BICRAL: variants seen among roughly 807,000 people sequenced by gnomAD.
BICRAL encodes the protein BICRA like chromatin remodeling complex associated protein.
BICRAL carries 8 observed loss-of-function variants against 91.8 expected under a neutral mutation model. The observed-to-expected ratio is 0.09, with a 90% confidence interval of 0.05 to 0.16. BICRAL has a LOEUF of 0.16. BICRAL is among the 10% of genes least tolerant of loss of function. The probability of loss-of-function intolerance (pLI) is 1.00; values close to 1 mark genes in which losing one functional copy is unlikely to be tolerated. For missense variants in BICRAL, 1,038 were observed against 1,310.9 expected, an observed-to-expected ratio of 0.79 and a Z score of 3.21; for synonymous variants, 445 against 491.1, an observed-to-expected ratio of 0.91 and a Z score of 1.24.
At chr6:42,782,342 T>TGGGGG (rs1562457936) in intron 1 of BICRAL, among the ~76,000 whole-genome samples, 1 of 104,638 alleles carries the variant, frequency 9.6e-6, no homozygotes, top group African/African-American at 4.1e-5. Context: ...TTTTTTTTTT[T>TGGGGG]TGGGGGGGGG....
upstream of BICRAL, among the ~76,000 whole-genome samples, chr6:42,780,840 G>A (rs1762888957): frequency 6.6e-6 from 1 of 151,950 alleles, no homozygotes; most frequent in Non-Finnish European, 1.5e-5. Context: ...GGGTTCAAGC[G>A]ATTCTCCTGC....
At chr6:42,786,021 C>G (rs1175540391) in intron 1 of BICRAL, among the ~76,000 whole-genome samples, 4 of 151,692 alleles carry the variant, frequency 2.6e-5, no homozygotes, top group Non-Finnish European at 5.9e-5. Flanking sequence ...CGCCACTGCA[C>G]TCCAGCCTGG....
chr6:42,800,557 C>CT (rs11427598), intron 1 of BICRAL, among the ~76,000 whole-genome samples: 67,142 of 147,476 alleles, frequency 0.46, 16,221 homozygotes, highest in African/African-American at 0.63. Context: ...TTTTTCTTTT[C>CT]TTTTTTTTTT....
At chr6:42,753,327 G>T (rs1287101131) in intron 1 of BICRAL, among the ~76,000 whole-genome samples, 1 of 152,080 alleles carries the variant, frequency 6.6e-6, no homozygotes, top group Non-Finnish European at 1.5e-5. Context: ...GCCTTCCAAA[G>T]TGCTGGGATT....
At chr6:42,770,815 C>A (rs992106881) in intron 1 of BICRAL, among the ~76,000 whole-genome samples, 5 of 151,808 alleles carry the variant, frequency 3.3e-5, no homozygotes, top group Admixed American at 2.6e-4. Flanking sequence ...CTCAGCCTAC[C>A]GTGTAGCTGG....
At chr6:42,798,190 G>C (rs1763464104) in intron 1 of BICRAL, among the ~76,000 whole-genome samples, 3 of 152,048 alleles carry the variant, frequency 2.0e-5, no homozygotes, top group Admixed American at 2.0e-4. Context: ...ACTTTAAAAG[G>C]GGGTAGGGAG....
intron 1 of BICRAL, among the ~76,000 whole-genome samples, chr6:42,774,280 G>A (rs113454885): frequency 1.5e-3 from 225 of 152,272 alleles, no homozygotes; most frequent in Non-Finnish European, 2.8e-3. Flanking sequence ...ATGGTTTGAG[G>A]GAGAATGAGG....
intron 1 of BICRAL, among the ~76,000 whole-genome samples, chr6:42,758,495 C>T (rs1243540162): frequency 1.3e-5 from 2 of 152,152 alleles, no homozygotes; most frequent in African/African-American, 4.8e-5. Flanking sequence ...AGGCACTTTG[C>T]CAGATGGTGC....
At chr6:42,760,031 G>A (rs1329885135) in intron 1 of BICRAL, among the ~76,000 whole-genome samples, 1 of 152,098 alleles carries the variant, frequency 6.6e-6, no homozygotes, top group Non-Finnish European at 1.5e-5. Context: ...GATCACCTGA[G>A]GTCAGGAGTT....
intron 1 of BICRAL, among the ~76,000 whole-genome samples, chr6:42,756,895 TCTC>T (rs386700649): frequency 4.4e-5 from 4 of 90,306 alleles, no homozygotes; most frequent in Admixed American, 1.1e-4. Context: ...GCTCTCTCTC[TCTC>T]TCTCTCTCTC....
rs987778073 is a variant in BICRAL, at chr6:42,867,076, T to C, written c.*1630T>C. The C allele has an allele frequency of 5.8e-5, 16 of 274,856 alleles. No individual in the cohort carries two copies. Among genetic ancestry groups the C allele is most frequent in the African/African-American group, 2.9e-4 (13 of 45,212 alleles). 17.0% of individuals were successfully genotyped at this position (274,856 alleles called of 1,614,324 possible). On this transcript the variant is annotated 3_prime_UTR_variant, in exon 13 of 13. Transcript: ENST00000314073. ...GAGGTGCAGCCACTGGTCTTCACTT[T>C]AATGTGTTGCCAGAATCTGCTTCTG... is the stretch of plus-strand genomic sequence containing the variant.
At chr6:42,847,828 C>T (rs933219976) in intron 6 of BICRAL, among the ~76,000 whole-genome samples, 1 of 151,620 alleles carries the variant, frequency 6.6e-6, no homozygotes, top group Non-Finnish European at 1.5e-5. Context: ...GAGGCTGCGG[C>T]AGAAAATTGC....
In BICRAL at chr6:42,770,389, C is replaced by T. The variant is rs571522773; in HGVS notation, c.-260-11450C>T. On this transcript the variant is annotated intron_variant, in intron 1 of 14. Transcript: ENST00000614467. Reference sequence around the variant, plus strand: ...GATTACAGGCACGTGCCACCATGCCCGGCTAATTTTATTATTATTATTATT... The same window carrying T: ...GATTACAGGCACGTGCCACCATGCCTGGCTAATTTTATTATTATTATTATT... Among the ~76,000 whole-genome samples the T allele has an allele frequency of 2.9e-4, 43 of 149,516 alleles. No individual in the cohort carries two copies. In the Middle Eastern group the frequency reaches 0.017, roughly 59 times the overall value.
intron 1 of BICRAL, among the ~76,000 whole-genome samples, chr6:42,808,322 G>A (rs1763767330): frequency 6.6e-6 from 1 of 151,656 alleles, no homozygotes; most frequent in Non-Finnish European, 1.5e-5. Context: ...GTAGAGATGG[G>A]GTTTCTCCAT....
At chr6:42,770,550 GA>G (rs1468903457) in intron 1 of BICRAL, among the ~76,000 whole-genome samples, 1 of 151,780 alleles carries the variant, frequency 6.6e-6, no homozygotes, top group East Asian at 1.9e-4. Flanking sequence ...GAGTAGCTGG[GA>G]TTACAGGCAC....
upstream of BICRAL, among the ~76,000 whole-genome samples, chr6:42,777,896 T>C (rs972279715): frequency 6.6e-6 from 1 of 152,218 alleles, no homozygotes; most frequent in Non-Finnish European, 1.5e-5. Context: ...TTAAAGCTAT[T>C]TGCATATAGT....
At chr6:42,786,463 A>G (rs1181509286) in intron 1 of BICRAL, among the ~76,000 whole-genome samples, 1 of 144,126 alleles carries the variant, frequency 6.9e-6, no homozygotes, top group African/African-American at 2.7e-5. Context: ...ACTAAAATCC[A>G]ATAAAGCTTG....
intron 1 of BICRAL, among the ~76,000 whole-genome samples, chr6:42,790,134 G>C (rs1363687227): frequency 1.3e-5 from 2 of 151,998 alleles, no homozygotes; most frequent in Non-Finnish European, 2.9e-5. Flanking sequence ...ACAGAACAGG[G>C]AAGGAGAGAA....
chr6:42,759,645 G>T (rs911549121), intron 1 of BICRAL, among the ~76,000 whole-genome samples: 1 of 152,254 alleles, frequency 6.6e-6, no homozygotes, highest in East Asian at 1.9e-4. Context: ...CAAGCTGGTA[G>T]GTCCCTTTAC....
Sources: gnomAD v4.1 joint callset for allele counts (sites outside exome capture counted in the v4.1 genomes callset) on GRCh38, gnomAD v4.1.1 for gene constraint, MANE v1.5 for transcripts, NCBI Gene and HGNC (gene_info 2026-07-23, HGNC 2026-07-21) for gene names.